Variants in ANXA11 observed in about 807,000 individuals in gnomAD.
ANXA11 encodes the protein annexin A11.
In ANXA11, 57 loss-of-function variants were observed where a neutral mutation model predicts 64.7. That is an observed-to-expected ratio of 0.88 (90% CI 0.71 to 1.10). The LOEUF (loss-of-function observed/expected upper bound fraction) is 1.10, where lower values mean the gene tolerates loss of function less well. Ranked by LOEUF, ANXA11 falls within the 50% of genes least tolerant of loss-of-function variation. ANXA11 has a pLI of 0.00. For missense variants in ANXA11, 675 were observed against 670.7 expected, an observed-to-expected ratio of 1.01 and a Z score of -0.07; for synonymous variants, 260 against 265.2, an observed-to-expected ratio of 0.98 and a Z score of 0.19.
chr10:80,172,958 C>A, intron 2 of ANXA11, 89 bp from the exon 3 acceptor site: 2 of 1,128,804 alleles, frequency 1.8e-6, no homozygotes, highest in Admixed American at 3.6e-5. Context: ...GCAGCCACCA[C>A]CACAACTGGG....
In ANXA11 at chr10:80,166,042, GCACACACACACACA is replaced by G. The variant is rs56904277; in HGVS notation, c.858+28_858+41del. On this transcript the variant is annotated intron_variant, in intron 8 of 15. Transcript: ENST00000422982. Reference sequence around the variant, plus strand: ...CATGCGCGCGTGCGCACACACGCGCGCACACACACACACACACACACACACACACACACGTACAC... The same window carrying G: ...CATGCGCGCGTGCGCACACACGCGCGCACACACACACACACACACGTACAC... 121 of 451,898 alleles carry G rather than the reference GCACACACACACACA, an allele frequency of 2.7e-4. 1 individual carries two copies. Among genetic ancestry groups the G allele is most frequent in the Non-Finnish European group, 4.1e-4 (108 of 262,042 alleles). The allele number at this position is 451,898 out of a possible 1,614,324, so 28.0% of individuals were successfully genotyped here. A position where few individuals can be genotyped will look rare whatever the true frequency, so the allele number is the denominator to read the frequency against.
At chr10:80,170,353 T>C (rs1488029085) in intron 4 of ANXA11, among the ~76,000 whole-genome samples, 1 of 152,128 alleles carries the variant, frequency 6.6e-6, no homozygotes, top group Non-Finnish European at 1.5e-5. Context: ...ATTTTAAAAG[T>C]GAAACAACAA....
chr10:80,161,908 C>A (rs764839772), intron 12 of ANXA11, 27 bp downstream of exon 12: 1 of 1,589,156 alleles, frequency 6.3e-7, no homozygotes, highest in Non-Finnish European at 8.6e-7. Context: ...ATCTAACTGG[C>A]CTCTGAGGGA....
intron 5 of ANXA11, among the ~76,000 whole-genome samples, chr10:80,168,211 C>T (rs950551371): frequency 1.1e-4 from 11 of 98,376 alleles, no homozygotes; most frequent in African/African-American, 2.0e-4. Context: ...ATTCTCCCTA[C>T]CCAAAGGGAA....
At chr10:80,191,619 G>A (rs1302981394) in intron 1 of ANXA11, among the ~76,000 whole-genome samples, 2 of 152,030 alleles carry the variant, frequency 1.3e-5, no homozygotes, top group Non-Finnish European at 2.9e-5. Flanking sequence ...ACGGCACAAG[G>A]AGGAACCAGG....
intron 1 of ANXA11, among the ~76,000 whole-genome samples, chr10:80,191,242 A>G (rs1312895847): frequency 2.0e-5 from 3 of 151,972 alleles, no homozygotes; most frequent in African/African-American, 7.2e-5. Context: ...AAATAAAATT[A>G]AAATTCAAAA....
At chr10:80,182,662 T>TA (rs1434400947) in intron 1 of ANXA11, among the ~76,000 whole-genome samples, 3 of 152,164 alleles carry the variant, frequency 2.0e-5, no homozygotes, top group Non-Finnish European at 4.4e-5. Flanking sequence ...CCGCATGCAT[T>TA]AGGTATTTGT....
At chr10:80,168,741 C>T (rs1032677291) in intron 5 of ANXA11, among the ~76,000 whole-genome samples, 14 of 152,080 alleles carry the variant, frequency 9.2e-5, no homozygotes, top group African/African-American at 3.1e-4. Flanking sequence ...TTCACCATTT[C>T]GCCCAGGTTG....
intron 11 of ANXA11, 75 bp downstream of exon 11, chr10:80,163,274 T>C (rs1234759004): frequency 1.3e-6 from 2 of 1,546,190 alleles, no homozygotes; most frequent in East Asian, 4.5e-5. Context: ...CACCCTAGGG[T>C]ACCTCTCTCA....
intron 1 of ANXA11, among the ~76,000 whole-genome samples, chr10:80,185,887 T>C (rs564137492): frequency 2.6e-4 from 40 of 152,320 alleles, no homozygotes; most frequent in Non-Finnish European, 5.4e-4. Flanking sequence ...TTAGAAACAC[T>C]GGTATGATGA....
chr10:80,161,619 A>C (rs1229455029), intron 12 of ANXA11, among the ~76,000 whole-genome samples: 1 of 152,202 alleles, frequency 6.6e-6, no homozygotes, highest in Non-Finnish European at 1.5e-5. Context: ...TTTTATTGTT[A>C]TGACTGTTTC....
intron 15 of ANXA11, chr10:80,156,920 G>A: frequency 3.5e-6 from 3 of 867,088 alleles, no homozygotes; most frequent in Middle Eastern, 6.0e-4. Context: ...GTGGGAGGAC[G>A]TGGTCCCCAT....
intron 4 of ANXA11, among the ~76,000 whole-genome samples, chr10:80,170,518 GC>G (rs1845928597): frequency 6.6e-6 from 1 of 152,026 alleles, no homozygotes; most frequent in Non-Finnish European, 1.5e-5. Context: ...AGATACCCTC[GC>G]CACCTTCCCA....
At chr10:80,158,091 T>C (rs1360592826) in intron 13 of ANXA11, 66 bp from the exon 14 acceptor site, 13 of 1,467,006 alleles carry the variant, frequency 8.9e-6, no homozygotes, top group Non-Finnish European at 1.2e-5. Flanking sequence ...GGGCATGGAG[T>C]CTACAAGTGT....
rs753376565 is a variant in ANXA11, at chr10:80,154,038, AAGGATCT to A, written c.*1808_*1814del. ...CTACGGCCTCAATTTCTTGGGCTCTAAGGATCTTCCTGCCTCAGCCTCCAGAGTAGCC... is the reference window on the plus strand; with the variant it reads ...CTACGGCCTCAATTTCTTGGGCTCTATCCTGCCTCAGCCTCCAGAGTAGCC... On this transcript the variant is annotated 3_prime_UTR_variant, in exon 16 of 16. Transcript: ENST00000422982. The A allele has an allele frequency of 2.0e-5, 3 of 152,046 alleles. No homozygotes were observed. The highest frequency in any genetic ancestry group is 2.9e-5 in the Non-Finnish European group (2 of 68,066). The allele number at this position is 152,046 out of a possible 1,614,324, so 9.4% of individuals were successfully genotyped here. A position where few individuals can be genotyped will look rare whatever the true frequency, so the allele number is the denominator to read the frequency against.
intron 12 of ANXA11, among the ~76,000 whole-genome samples, chr10:80,161,322 C>G (rs35497678): frequency 6.6e-6 from 1 of 152,168 alleles, no homozygotes; most frequent in African/African-American, 2.4e-5. Context: ...TCAAATGTCA[C>G]GACCTCAGTG....
At chr10:80,200,964 T>C (rs189511410) in intron 1 of ANXA11, among the ~76,000 whole-genome samples, 1 of 152,250 alleles carries the variant, frequency 6.6e-6, no homozygotes, top group East Asian at 1.9e-4. Context: ...GGGAGGGATG[T>C]CAGTGGCAGG....
intron 15 of ANXA11, chr10:80,157,378 T>A (rs957433222): frequency 1.0e-6 from 1 of 985,264 alleles, no homozygotes; most frequent in African/African-American, 1.7e-5. Context: ...ACGCTGAAGG[T>A]CACGGTCAAG....
At chr10:80,188,480 C>CATATATAT (rs71034291) in intron 1 of ANXA11, among the ~76,000 whole-genome samples, 1,641 of 100,482 alleles carry the variant, frequency 0.016, 34 homozygotes, top group East Asian at 0.041. Flanking sequence ...AGTATTCTCA[C>CATATATAT]ATATATATAT....
Sources: allele counts gnomAD v4.1 joint callset (sites outside exome capture counted in the v4.1 genomes callset), GRCh38; gene constraint gnomAD v4.1.1; transcripts MANE v1.5; gene names NCBI Gene and HGNC (gene_info 2026-07-23, HGNC 2026-07-21).